The following PDE3A variants were observed in gnomAD, a reference collection of about 807,000 sequenced individuals.
PDE3A encodes cGMP-inhibited 3',5'-cyclic phosphodiesterase 3A.
In PDE3A, 43 loss-of-function variants were observed where a neutral mutation model predicts 98.3. That is an observed-to-expected ratio of 0.44 (90% CI 0.34 to 0.56). The LOEUF is 0.56. Ranked by LOEUF, PDE3A falls within the 20% of genes least tolerant of loss-of-function variation. The probability of loss-of-function intolerance (pLI) is 0.01; values close to 1 mark genes in which losing one functional copy is unlikely to be tolerated. For missense variants in PDE3A, 1,427 were observed against 1,440.7 expected, an observed-to-expected ratio of 0.99 and a Z score of 0.15; for synonymous variants, 663 against 567.9, an observed-to-expected ratio of 1.17 and a Z score of -2.38.
Position 20,629,894 on chromosome 12 carries a change from T to C in PDE3A, c.1541-14T>C. 1 of 1,593,410 alleles carries C rather than the reference T, an allele frequency of 6.3e-7. No individual in the cohort carries two copies. The highest frequency in any genetic ancestry group is 8.6e-7 in the Non-Finnish European group (1 of 1,161,140). On this transcript the variant is annotated splice_polypyrimidine_tract_variant and intron_variant, in intron 5 of 15. Transcript: ENST00000359062. ...AGACATTTGTTTAGTTACTTAACTC[T>C]CATTCTTTCTCAGGTGCCCTCGCTA...
At chr12:20,404,247 G>A (rs1387036225) in intron 1 of PDE3A, among the ~76,000 whole-genome samples, 1 of 151,946 alleles carries the variant, frequency 6.6e-6, no homozygotes, top group Non-Finnish European at 1.5e-5. Flanking sequence ...TAATAAATTT[G>A]TTTGGTTTAT....
At chr12:20,675,077 T>C (rs1318390810) in intron 15 of PDE3A, among the ~76,000 whole-genome samples, 3 of 152,206 alleles carry the variant, frequency 2.0e-5, no homozygotes, top group Middle Eastern at 3.4e-3. Context: ...ATATTTATTG[T>C]GTTAAACTTC....
intron 12 of PDE3A, among the ~76,000 whole-genome samples, chr12:20,647,819 A>T (rs1944813495): frequency 6.6e-6 from 1 of 151,986 alleles, no homozygotes; most frequent in Admixed American, 6.6e-5. Context: ...CATACACCAG[A>T]ATTATTTTTT....
At chr12:20,414,573 T>C (rs1944390159) in intron 1 of PDE3A, among the ~76,000 whole-genome samples, 2 of 152,222 alleles carry the variant, frequency 1.3e-5, no homozygotes, top group African/African-American at 4.8e-5. Context: ...TTTCCTATGT[T>C]TAAATTTAAC....
At chr12:20,582,863 T>C (rs1342785758) in intron 2 of PDE3A, among the ~76,000 whole-genome samples, 1 of 152,174 alleles carries the variant, frequency 6.6e-6, no homozygotes, top group Non-Finnish European at 1.5e-5. Flanking sequence ...AGAAATAGCA[T>C]TCTCCCACAA....
At chr12:20,442,699 C>T (rs918052284) in intron 1 of PDE3A, among the ~76,000 whole-genome samples, 7 of 152,132 alleles carry the variant, frequency 4.6e-5, no homozygotes, top group African/African-American at 1.4e-4. Context: ...GTAATAGTGT[C>T]GAGTCAAATG....
At chr12:20,392,234 A>G (rs994092538) in intron 1 of PDE3A, among the ~76,000 whole-genome samples, 22 of 152,026 alleles carry the variant, frequency 1.4e-4, no homozygotes, top group Non-Finnish European at 3.2e-4. Flanking sequence ...TAGGAAGATA[A>G]CTAAGGTTTC....
chr12:20,673,467 T>C (rs1342341977), intron 15 of PDE3A, among the ~76,000 whole-genome samples: 2 of 138,416 alleles, frequency 1.4e-5, no homozygotes, highest in Non-Finnish European at 3.1e-5. Flanking sequence ...CCAACAATGA[T>C]AGACTGGATT....
intron 1 of PDE3A, among the ~76,000 whole-genome samples, chr12:20,403,645 G>A (rs73235855): frequency 0.018 from 2,802 of 152,218 alleles, 78 homozygotes; most frequent in African/African-American, 0.064. Flanking sequence ...ATCAGAATGT[G>A]CAAAATGACA....
intron 1 of PDE3A, among the ~76,000 whole-genome samples, chr12:20,545,481 T>G (rs1942026590): frequency 6.6e-6 from 1 of 152,014 alleles, no homozygotes; most frequent in African/African-American, 2.4e-5. Context: ...ATTTAGCTAG[T>G]TATCACCAAC....
At chr12:20,459,043 G>T (rs1383311422) in intron 1 of PDE3A, among the ~76,000 whole-genome samples, 1 of 152,132 alleles carries the variant, frequency 6.6e-6, no homozygotes, top group African/African-American at 2.4e-5. Flanking sequence ...AATGTTAGCA[G>T]TGCTTTCTTA....
chr12:20,609,625 A>T (rs190398579), intron 2 of PDE3A, among the ~76,000 whole-genome samples: 347 of 152,200 alleles, frequency 2.3e-3, no homozygotes, highest in Non-Finnish European at 4.1e-3. Context: ...GGTTGAAGGC[A>T]TTACACTTTC....
chr12:20,643,604 G>A (rs1446361894), intron 10 of PDE3A, among the ~76,000 whole-genome samples: 1 of 135,552 alleles, frequency 7.4e-6, no homozygotes, highest in Non-Finnish European at 1.6e-5. Flanking sequence ...GTTTAGATAA[G>A]CAGCTGGATT....
intron 1 of PDE3A, among the ~76,000 whole-genome samples, chr12:20,540,851 C>A (rs1323302754): frequency 1.3e-5 from 2 of 151,950 alleles, no homozygotes; most frequent in Non-Finnish European, 2.9e-5. Context: ...TTCTGGAATG[C>A]AATCAATGGT....
intron 1 of PDE3A, among the ~76,000 whole-genome samples, chr12:20,443,990 G>A (rs982790611): frequency 4.6e-5 from 7 of 152,278 alleles, no homozygotes; most frequent in African/African-American, 1.7e-4. Flanking sequence ...AAAAGAAGGA[G>A]GGAGGACCTT....
intron 1 of PDE3A, among the ~76,000 whole-genome samples, chr12:20,509,267 T>C (rs1946174084): frequency 6.6e-6 from 1 of 152,078 alleles, no homozygotes; most frequent in Non-Finnish European, 1.5e-5. Flanking sequence ...ACAGGACCCA[T>C]AGCATGATAT....
At chr12:20,586,169 A>G (rs539920759) in intron 2 of PDE3A, among the ~76,000 whole-genome samples, 2 of 152,176 alleles carry the variant, frequency 1.3e-5, no homozygotes, top group Admixed American at 6.5e-5. Context: ...GCAAGAAACA[A>G]TCTGTTAAGA....
chr12:20,528,143 C>T (rs1459597909), intron 1 of PDE3A, among the ~76,000 whole-genome samples: 3 of 152,132 alleles, frequency 2.0e-5, no homozygotes, highest in Non-Finnish European at 1.5e-5. Flanking sequence ...TCCTTTTTAT[C>T]GTGAGTAGTT....
intron 1 of PDE3A, 138 bp downstream of exon 1, chr12:20,370,382 C>A: frequency 5.4e-6 from 3 of 558,646 alleles, no homozygotes; most frequent in South Asian, 7.1e-5. Flanking sequence ...AATTAAGAAA[C>A]TAGCAGGTTT....
Sources: gnomAD v4.1 joint callset for allele counts (sites outside exome capture counted in the v4.1 genomes callset) on GRCh38, gnomAD v4.1.1 for gene constraint, MANE v1.5 for transcripts, NCBI Gene and HGNC (gene_info 2026-07-23, HGNC 2026-07-21) for gene names.